DENND4C: variants seen among roughly 807,000 people sequenced by gnomAD.
DENND4C encodes DENN domain-containing protein 4C.
A neutral mutation model predicts 203.0 loss-of-function variants in DENND4C; 108 were observed. The ratio of observed to expected loss-of-function variants is 0.53; its 90% confidence interval spans 0.46 to 0.62. The LOEUF (loss-of-function observed/expected upper bound fraction) is 0.62. DENND4C is among the 20% of genes least tolerant of loss of function. The pLI is 0.00. For missense variants in DENND4C, 2,481 were observed against 2,301.2 expected, an observed-to-expected ratio of 1.08 and a Z score of -1.60; for synonymous variants, 871 against 792.4, an observed-to-expected ratio of 1.10 and a Z score of -1.67.
At chr9:19,273,887 C>G (rs1270712874) in intron 1 of DENND4C, among the ~76,000 whole-genome samples, 1 of 152,034 alleles carries the variant, frequency 6.6e-6, no homozygotes, top group African/African-American at 2.4e-5. Flanking sequence ...TACACCTAAT[C>G]CAGCCATCCT....
chr9:19,240,828 A>G (rs1001316269), intron 1 of DENND4C, among the ~76,000 whole-genome samples: 1 of 151,862 alleles, frequency 6.6e-6, no homozygotes, highest in African/African-American at 2.4e-5. Flanking sequence ...TTAGCCTGGT[A>G]TGGTGGTGGA....
At chr9:19,235,840 C>G (rs7869439) in intron 1 of DENND4C, among the ~76,000 whole-genome samples, 1 of 151,906 alleles carries the variant, frequency 6.6e-6, no homozygotes, top group African/African-American at 2.4e-5. Context: ...CCTTGTGATC[C>G]GCCCGCCTTG....
intron 12 of DENND4C, among the ~76,000 whole-genome samples, chr9:19,321,510 T>G (rs998451893): frequency 6.6e-6 from 1 of 152,006 alleles, no homozygotes; most frequent in East Asian, 1.9e-4. Flanking sequence ...TTGTTTTTGT[T>G]TTTTAGATGG....
At position 19,340,991 on chromosome 9, in the gene DENND4C, G is replaced by C; in HGVS notation, c.2882-1G>C. ...ATGTAAGTCTGCATTCTTTTTAACA[G>C]GTGGTCAGTCTGACCAAGGATACGG... On this transcript the variant is annotated splice_acceptor_variant, in intron 20 of 32. Coordinates refer to ENST00000434457, the MANE Select transcript of DENND4C (RefSeq NM_001330640.2). LOFTEE classifies it high-confidence loss of function. 6.3e-7 allele frequency: 1 copy of C among 1,593,992 alleles called. No homozygotes were observed. Among genetic ancestry groups the C allele is most frequent in the Non-Finnish European group, 8.5e-7 (1 of 1,173,626 alleles).
chr9:19,277,187 C>A (rs750836927), intron 2 of DENND4C, among the ~76,000 whole-genome samples: 12 of 151,930 alleles, frequency 7.9e-5, no homozygotes, highest in Admixed American at 3.3e-4. Flanking sequence ...TGGGAACATC[C>A]TGGCAAGTAT....
intron 25 of DENND4C, 85 bp downstream of exon 25, chr9:19,352,267 C>T: frequency 7.9e-7 from 1 of 1,267,246 alleles, no homozygotes; most frequent in Non-Finnish European, 1.1e-6. Context: ...TTCTAAGATA[C>T]CCTTGTGGAC....
At chr9:19,368,955 G>A (rs1434162349) in intron 30 of DENND4C, among the ~76,000 whole-genome samples, 4 of 151,932 alleles carry the variant, frequency 2.6e-5, no homozygotes, top group Non-Finnish European at 1.5e-5. Context: ...TTCAAGACTA[G>A]TCTGGGCAAC....
chr9:19,304,977 T>C (rs934808931), intron 9 of DENND4C, among the ~76,000 whole-genome samples: 3 of 151,840 alleles, frequency 2.0e-5, no homozygotes, highest in Middle Eastern at 3.2e-3. Context: ...TGAGAATTAA[T>C]AGGTGAATGA....
At position 19,290,787 on chromosome 9, in the gene DENND4C, G is replaced by A; in HGVS notation, c.712G>A (p.Gly238Arg). 3 of 1,608,536 alleles carry A rather than the reference G, an allele frequency of 1.9e-6. No individual in the cohort carries two copies. The highest frequency in any genetic ancestry group is 2.5e-6 in the Non-Finnish European group (3 of 1,176,858). Residue 238 changes from glycine to arginine, a missense_variant, in exon 5 of 33, where the codon GGA (glycine) becomes AGA (arginine). Transcript: ENST00000434457. ...SDVPLFCLPM[G>R]ATIECWDPET... ...TGTACCTCTTTTCTGCCTTCCTATG[G>A]GAGCTACTATTGAGTGCTGGGATCC...
intron 20 of DENND4C, among the ~76,000 whole-genome samples, chr9:19,339,342 G>C (rs1490444309): frequency 6.6e-6 from 1 of 152,084 alleles, no homozygotes; most frequent in Non-Finnish European, 1.5e-5. Flanking sequence ...CCTTTCTTTA[G>C]TCTTCCTTAA....
Position 19,286,973 on chromosome 9 carries a change from T to A in DENND4C, c.510T>A (p.Thr170=). ...TTATTGTAACCAGTAAAGGAGAAAC[T>A]CCTCCTCATACCTTCTGCAAAGTTG... The part of the protein sequence containing the change: ...ICVIVTSKGE[T]PPHTFCKVDK... Residue 170 remains threonine, a synonymous_variant, in exon 3 of 33, where the codon ACT becomes ACA. Coordinates refer to ENST00000434457, the MANE Select transcript of DENND4C (RefSeq NM_001330640.2). 8.1e-7 allele frequency: 1 copy of A among 1,232,082 alleles called. No individual in the cohort carries two copies. The highest frequency in any genetic ancestry group is 4.1e-5 in the South Asian group (1 of 24,318). The allele number at this position is 1,232,082 out of a possible 1,614,324, so 76.3% of individuals were successfully genotyped here. A position where few individuals can be genotyped will look rare whatever the true frequency, so the allele number is the denominator to read the frequency against.
intron 2 of DENND4C, among the ~76,000 whole-genome samples, chr9:19,280,129 C>T (rs1833739169): frequency 7.5e-6 from 1 of 132,848 alleles, no homozygotes; most frequent in African/African-American, 2.8e-5. Context: ...TGCCTTCCTG[C>T]CTACCTGCCT....
In DENND4C at chr9:19,316,760, A is replaced by G. The variant is rs756774068; in HGVS notation, c.1728A>G (p.Gly576=). 2 of 1,614,078 alleles carry G rather than the reference A, an allele frequency of 1.2e-6. No homozygotes were observed. The highest frequency in any genetic ancestry group is 1.1e-5 in the South Asian group (1 of 91,084). The part of the protein sequence containing the change: ...FLRFMASILK[G]YRTYLRPITE... ...GCTTTATGGCGTCTATTTTAAAAGG[A>G]TATAGAACATATCTCAGACCAATCA... Residue 576 remains glycine, a synonymous_variant, in exon 12 of 33, where the codon GGA becomes GGG. Coordinates refer to ENST00000434457, the MANE Select transcript of DENND4C (RefSeq NM_001330640.2).
intron 10 of DENND4C, among the ~76,000 whole-genome samples, chr9:19,310,853 T>C (rs544525635): frequency 6.7e-4 from 102 of 152,296 alleles, no homozygotes; most frequent in Non-Finnish European, 1.2e-3. Flanking sequence ...TTACTCTGTG[T>C]GGTAAATTAC....
chr9:19,295,021 C>T (rs1837140286), intron 5 of DENND4C, among the ~76,000 whole-genome samples: 2 of 152,154 alleles, frequency 1.3e-5, no homozygotes, highest in African/African-American at 4.8e-5. Flanking sequence ...GTGAATTGTA[C>T]ACTTGAAAAT....
intron 10 of DENND4C, among the ~76,000 whole-genome samples, chr9:19,308,237 A>G (rs1840067094): frequency 6.6e-6 from 1 of 152,196 alleles, no homozygotes; most frequent in Non-Finnish European, 1.5e-5. Flanking sequence ...TTGGTAGGGA[A>G]TGAGCATTTT....
At chr9:19,271,706 A>T (rs1831707284) in intron 1 of DENND4C, among the ~76,000 whole-genome samples, 1 of 151,848 alleles carries the variant, frequency 6.6e-6, no homozygotes, top group Admixed American at 6.6e-5. Flanking sequence ...GTCTCTACTA[A>T]AAATACAAAA....
chr9:19,248,736 C>T (rs1285723316), intron 1 of DENND4C, among the ~76,000 whole-genome samples: 2 of 151,838 alleles, frequency 1.3e-5, no homozygotes, highest in Non-Finnish European at 2.9e-5. Flanking sequence ...CTGGTGACAC[C>T]ATAAAAATAG....
chr9:19,244,597 G>A lies in DENND4C; in HGVS notation c.-18+13764G>A, dbSNP rs148274177. On this transcript the variant is annotated intron_variant, in intron 1 of 32. Transcript: ENST00000434457. ...GTCCTAAAAATACAAAAAATTAGCC[G>A]GGCGTGGTTGCACGTGACTGTAGTC... Among the ~76,000 whole-genome samples, 1,023 of 151,942 alleles carry A rather than the reference G, an allele frequency of 6.7e-3. 16 individuals are homozygous for A. Among genetic ancestry groups the A allele is most frequent in the African/African-American group, 0.023 (959 of 41,468 alleles).
Sources: gnomAD v4.1 joint callset for allele counts (sites outside exome capture counted in the v4.1 genomes callset) on GRCh38, gnomAD v4.1.1 for gene constraint, MANE v1.5 for transcripts, NCBI Gene and HGNC (gene_info 2026-07-23, HGNC 2026-07-21) for gene names.